Variants in GRID1 observed in about 807,000 individuals in gnomAD.
GRID1 encodes glutamate ionotropic receptor delta type subunit 1.
GRID1 carries 28 observed loss-of-function variants against 98.0 expected under a neutral mutation model. The observed-to-expected ratio is 0.29, with a 90% CI of 0.21 to 0.39. The LOEUF (loss-of-function observed/expected upper bound fraction) is 0.39. GRID1 is among the 10% of genes least tolerant of loss of function. GRID1 has a pLI of 1.00. For missense variants in GRID1, 1,111 were observed against 1,340.5 expected, an observed-to-expected ratio of 0.83 and a Z score of 2.67; for synonymous variants, 553 against 538.5, an observed-to-expected ratio of 1.03 and a Z score of -0.37.
At chr10:86,340,643 A>G (rs978986948) in intron 2 of GRID1, among the ~76,000 whole-genome samples, 1 of 152,198 alleles carries the variant, frequency 6.6e-6, no homozygotes, top group African/African-American at 2.4e-5. Context: ...TCTAGACCAT[A>G]GAAGTCACGG....
chr10:85,782,292 GA>G (rs10708978), intron 8 of GRID1, among the ~76,000 whole-genome samples: 152,307 of 152,308 alleles, frequency 1, 76,153 homozygotes, highest in Middle Eastern at 1. Context: ...ATCATGCAAG[GA>G]AAATGTTTGG....
intron 3 of GRID1, among the ~76,000 whole-genome samples, chr10:86,159,262 G>A (rs547351111): frequency 3.0e-4 from 46 of 152,168 alleles, no homozygotes; most frequent in Non-Finnish European, 6.0e-4. Context: ...TACATATGCG[G>A]TTCACACTAT....
chr10:86,025,433 C>T (rs1223504399), intron 4 of GRID1, among the ~76,000 whole-genome samples: 3 of 152,188 alleles, frequency 2.0e-5, no homozygotes, highest in African/African-American at 7.2e-5. Context: ...CTAGTGATCA[C>T]AAGCAGCCTT....
chr10:85,616,699 G>T (rs1412290961), intron 14 of GRID1, among the ~76,000 whole-genome samples: 3 of 152,144 alleles, frequency 2.0e-5, no homozygotes, highest in Admixed American at 1.3e-4. Context: ...ACAAGTCACG[G>T]GTACAAAATG....
chr10:86,253,694 G>A (rs35958536), intron 2 of GRID1, among the ~76,000 whole-genome samples: 18,187 of 152,146 alleles, frequency 0.12, 1,426 homozygotes, highest in African/African-American at 0.22. Flanking sequence ...ACAGACACAC[G>A]AGGGAACTTG....
chr10:86,312,340 C>T (rs186578088), intron 2 of GRID1, among the ~76,000 whole-genome samples: 26 of 152,316 alleles, frequency 1.7e-4, no homozygotes, highest in South Asian at 6.2e-4. Context: ...ACACACCGTC[C>T]CTTTCTTTGC....
intron 8 of GRID1, among the ~76,000 whole-genome samples, chr10:85,757,813 A>T (rs560558059): frequency 6.6e-6 from 1 of 152,216 alleles, no homozygotes; most frequent in African/African-American, 2.4e-5. Context: ...CCTACCTGCT[A>T]TAAGATTCAA....
At chr10:85,656,112 CT>C (rs1284283436) in intron 12 of GRID1, among the ~76,000 whole-genome samples, 1 of 152,164 alleles carries the variant, frequency 6.6e-6, no homozygotes, top group African/African-American at 2.4e-5. Context: ...ACCTGGCTTA[CT>C]CCAGTTTTCA....
chr10:85,788,949 A>G (rs2132737662), intron 8 of GRID1, among the ~76,000 whole-genome samples: 1 of 152,068 alleles, frequency 6.6e-6, no homozygotes, highest in South Asian at 2.1e-4. Context: ...TTAGCTTTCC[A>G]CCAGTTTCAT....
intron 13 of GRID1, among the ~76,000 whole-genome samples, chr10:85,632,716 G>A (rs1325614089): frequency 6.6e-6 from 1 of 152,020 alleles, no homozygotes; most frequent in African/African-American, 2.4e-5. Flanking sequence ...GCTAATTTTG[G>A]TATTTTTTAA....
chr10:85,719,630 C>T (rs1014525813), intron 12 of GRID1, among the ~76,000 whole-genome samples: 2 of 152,030 alleles, frequency 1.3e-5, no homozygotes, highest in African/African-American at 4.8e-5. Flanking sequence ...AGACAGGCCC[C>T]TATGATTCAA....
intron 13 of GRID1, among the ~76,000 whole-genome samples, chr10:85,622,416 T>TA (rs1255345185): frequency 1.6e-4 from 25 of 152,018 alleles, no homozygotes; most frequent in Non-Finnish European, 2.6e-4. Context: ...TTCTTTTTTT[T>TA]AAAAAAAATA....
chr10:86,200,996 G>A (rs1414466979), intron 3 of GRID1, among the ~76,000 whole-genome samples: 2 of 152,198 alleles, frequency 1.3e-5, no homozygotes, highest in African/African-American at 2.4e-5. Flanking sequence ...GAATGCTTTG[G>A]AAAACAGTTT....
At chr10:85,730,403 C>T (rs371477736) in intron 8 of GRID1, among the ~76,000 whole-genome samples, 3 of 152,144 alleles carry the variant, frequency 2.0e-5, no homozygotes, top group Non-Finnish European at 2.9e-5. Context: ...AAACGATTCT[C>T]GACTATTAAT....
Position 86,023,013 on chromosome 10 carries a change from A to G in GRID1, c.727-106774T>C, listed in dbSNP as rs138420566. Among the ~76,000 whole-genome samples, 547 of 151,984 alleles carry G rather than the reference A, an allele frequency of 3.6e-3. 6 individuals are homozygous for G. The highest frequency in any genetic ancestry group is 0.012 in the African/African-American group (518 of 41,466). ...AACAAGGGTCATATGTTGGGGGGCC[A>G]CAGGATATTGTAATCACTGCCTCCT... On this transcript the variant is annotated intron_variant, in intron 4 of 15. Coordinates refer to ENST00000327946, the MANE Select transcript of GRID1 (RefSeq NM_017551.3).
At chr10:85,618,730 C>T (rs993287635) in intron 14 of GRID1, among the ~76,000 whole-genome samples, 2 of 152,124 alleles carry the variant, frequency 1.3e-5, no homozygotes, top group African/African-American at 4.8e-5. Context: ...ACAATCTGGA[C>T]ATCTAGAGTG....
intron 5 of GRID1, among the ~76,000 whole-genome samples, chr10:85,913,573 T>C (rs1468653495): frequency 6.6e-6 from 1 of 152,144 alleles, no homozygotes; most frequent in African/African-American, 2.4e-5. Context: ...GCAGATCACT[T>C]GAGGTCGGGA....
chr10:86,239,609 C>A (rs915848062), intron 2 of GRID1, among the ~76,000 whole-genome samples: 4 of 152,150 alleles, frequency 2.6e-5, no homozygotes, highest in African/African-American at 9.7e-5. Context: ...ATCATGGGGG[C>A]AAATTTCCCT....
chr10:86,208,067 GGAGA>G (rs765233584), intron 2 of GRID1, among the ~76,000 whole-genome samples: 1 of 152,130 alleles, frequency 6.6e-6, no homozygotes, highest in African/African-American at 2.4e-5. Context: ...GATAAGGCTG[GGAGA>G]GAGAGAGAAG....
Sources: gnomAD v4.1 joint callset for allele counts (sites outside exome capture counted in the v4.1 genomes callset) on GRCh38, gnomAD v4.1.1 for gene constraint, MANE v1.5 for transcripts, NCBI Gene and HGNC (gene_info 2026-07-23, HGNC 2026-07-21) for gene names.